Variants in NDEL1 observed in about 807,000 individuals in gnomAD.
NDEL1 encodes the protein nudE neurodevelopment protein 1 like 1, also known as nuclear distribution protein nudE-like 1.
Under a neutral mutation model 45.7 loss-of-function variants are expected in NDEL1, and 9 were observed. That is an observed-to-expected ratio of 0.20 (90% confidence interval 0.12 to 0.34). The LOEUF (loss-of-function observed/expected upper bound fraction) is 0.34, where lower values mean the gene tolerates loss of function less well. NDEL1 is among the 10% of genes least tolerant of loss of function. The probability of loss-of-function intolerance (pLI) is 1.00; values close to 1 mark genes in which losing one functional copy is unlikely to be tolerated. For synonymous variants in NDEL1, 133 were observed against 158.6 expected, an observed-to-expected ratio of 0.84 and a Z score of 1.21; for missense variants, 306 against 406.2, an observed-to-expected ratio of 0.75 and a Z score of 2.12.
rs901806348 is a variant in NDEL1, at chr17:8,468,058, GTCC to G, written c.*1041_*1043del. ...ACGGCATGTTAATGACTCTGATGGT[GTCC>G]TCCTCTGGGCAGCTGTATAGGATCA... On this transcript the variant is annotated 3_prime_UTR_variant, in exon 9 of 9. Coordinates refer to ENST00000334527, the MANE Select transcript of NDEL1 (RefSeq NM_030808.5). The G allele has an allele frequency of 2.6e-5, 4 of 152,594 alleles. No individual in the cohort carries two copies. The highest frequency in any genetic ancestry group is 7.2e-5 in the African/African-American group (3 of 41,418). 9.5% of individuals were successfully genotyped at this position (152,594 alleles called of 1,614,324 possible). A position where few individuals can be genotyped will look rare whatever the true frequency, so the allele number is the denominator to read the frequency against.
At chr17:8,455,989 T>C (rs1318140407) in intron 7 of NDEL1, among the ~76,000 whole-genome samples, 1 of 152,224 alleles carries the variant, frequency 6.6e-6, no homozygotes, top group African/African-American at 2.4e-5. Flanking sequence ...ATTTCTAGCA[T>C]TAGCTCCCAT....
intron 6 of NDEL1, among the ~76,000 whole-genome samples, chr17:8,452,903 C>A (rs1220748430): frequency 6.6e-6 from 1 of 151,876 alleles, no homozygotes; most frequent in Non-Finnish European, 1.5e-5. Flanking sequence ...CCACACCCAG[C>A]TAATTTTGTA....
downstream of NDEL1, among the ~76,000 whole-genome samples, chr17:8,471,148 T>TTTG (rs767626889): frequency 3.2e-4 from 49 of 152,132 alleles, 1 homozygote; most frequent in South Asian, 8.3e-4. Context: ...CTGCAAGTTT[T>TTTG]TTGTTGTTGT....
At position 8,446,887 on chromosome 17, in the gene NDEL1, T is replaced by TGGAGCCA; in HGVS notation, c.379_380insCAGGAGC (p.Arg127ProfsTer16). On this transcript the variant is annotated frameshift_variant, in exon 4 of 9. Coordinates refer to ENST00000334527, the MANE Select transcript of NDEL1 (RefSeq NM_030808.5). LOFTEE classifies it high-confidence loss of function. The stretch of plus-strand genomic sequence containing the variant: ...GAGCTGGAGCAGGCCAACGACGACC[T>TGGAGCCA]GGAGCGAGCCAAAAGGTAAACGAAT... 6.2e-7 allele frequency: 1 copy of TGGAGCCA among 1,614,098 alleles called. No individual in the cohort carries two copies. The highest frequency in any genetic ancestry group is 2.2e-5 in the East Asian group (1 of 44,870).
chr17:8,445,561 C>T, intron 2 of NDEL1, 150 bp from the exon 3 acceptor site: 1 of 729,426 alleles, frequency 1.4e-6, no homozygotes, highest in Non-Finnish European at 2.1e-6. Context: ...TGAATATATA[C>T]AGTAAGAGAT....
intron 4 of NDEL1, 39 bp downstream of exon 4, chr17:8,446,941 T>C (rs1910123354): frequency 6.3e-7 from 1 of 1,592,410 alleles, no homozygotes; most frequent in Non-Finnish European, 8.6e-7. Flanking sequence ...AAAAACCACC[T>C]TGGTAATTAG....
At chr17:8,444,401 A>G in intron 2 of NDEL1, 44 bp downstream of exon 2, 1 of 1,261,498 alleles carries the variant, frequency 7.9e-7, no homozygotes, top group Non-Finnish European at 1.2e-6. Context: ...GGCATTTGGA[A>G]TACACCGTGT....
At chr17:8,454,734 C>A in intron 6 of NDEL1, 62 bp from the exon 7 acceptor site, 1 of 1,312,798 alleles carries the variant, frequency 7.6e-7, no homozygotes, top group Non-Finnish European at 1.1e-6. Flanking sequence ...GTAACATCAA[C>A]AACAAAACCC....
intron 3 of NDEL1, chr17:8,446,123 A>G: frequency 3.9e-6 from 1 of 254,234 alleles, no homozygotes; most frequent in Non-Finnish European, 7.3e-6. Flanking sequence ...TAGTTCCTAT[A>G]ATTTTCAAAA....
intron 8 of NDEL1, 52 bp from the exon 9 acceptor site, chr17:8,466,878 T>G: frequency 1.9e-5 from 29 of 1,514,682 alleles, no homozygotes; most frequent in Non-Finnish European, 2.4e-5. Flanking sequence ...TGATTTTAAA[T>G]GAGTTTTTCG....
In NDEL1 at chr17:8,467,205, A is replaced by G. The variant is rs1476146626; in HGVS notation, c.*182A>G. 1.1e-5 allele frequency: 7 copies of G among 616,742 alleles called. No individual in the cohort carries two copies. The Admixed American group carries it at 1.8e-4, about 16-fold the overall frequency. 38.2% of individuals were successfully genotyped at this position (616,742 alleles called of 1,614,324 possible). A position where few individuals can be genotyped will look rare whatever the true frequency, so the allele number is the denominator to read the frequency against. On this transcript the variant is annotated 3_prime_UTR_variant, in exon 9 of 9. Coordinates refer to ENST00000334527, the MANE Select transcript of NDEL1 (RefSeq NM_030808.5). The surrounding 1 kb of genome is among the most constrained non-coding windows in gnomAD (Gnocchi z 6.3). ...GCCCAGCCCCGGAACTCTGCGCGAT[A>G]TCAATACTGGCTATTTTCTCTTCTC... is the stretch of plus-strand genomic sequence containing the variant.
At chr17:8,468,521 T>C (rs1050537092), downstream of NDEL1, among the ~76,000 whole-genome samples, 2 of 152,218 alleles carry the variant, frequency 1.3e-5, no homozygotes, top group Non-Finnish European at 2.9e-5. Flanking sequence ...TGACAGATGT[T>C]GTCATTCTGG....
Position 8,460,076 on chromosome 17 carries a change from T to C in NDEL1, c.860T>C (p.Ile287Thr). ...GACCAAGCATCACGAAAATCCTATATTTCAGGGAATGTTAACTGTGGGGTG... is the reference window on the plus strand; with the variant it reads ...GACCAAGCATCACGAAAATCCTATACTTCAGGGAATGTTAACTGTGGGGTG... The part of the protein sequence containing the change: ...AKDQASRKSY[I>T]SGNVNCGVLN... The change falls in exon 8 of 9, where the codon ATT (isoleucine) becomes ACT (threonine). Residue 287 changes from isoleucine (I) to threonine (T), a missense_variant. Ile to Thr is a moderately conservative substitution (Grantham distance 89). Coordinates refer to ENST00000334527, the MANE Select transcript of NDEL1 (RefSeq NM_030808.5). The C allele has an allele frequency of 6.2e-7, 1 of 1,614,190 alleles. No individual in the cohort carries two copies. Among genetic ancestry groups the C allele is most frequent in the Non-Finnish European group, 8.5e-7 (1 of 1,180,038 alleles).
intron 7 of NDEL1, among the ~76,000 whole-genome samples, chr17:8,458,269 TTCATCTGCTCACC>T (rs1311979352): frequency 1.3e-5 from 2 of 152,162 alleles, no homozygotes; most frequent in African/African-American, 2.4e-5. Flanking sequence ...TTGTTGGGTC[TTCATCTGCTCACC>T]CTTTCGATAT....
At chr17:8,421,681 A>G (rs1908711200) in intron 1 of NDEL1, among the ~76,000 whole-genome samples, 1 of 152,228 alleles carries the variant, frequency 6.6e-6, no homozygotes, top group African/African-American at 2.4e-5. Context: ...TATAGCAGCC[A>G]CAGGAAACAA....
downstream of NDEL1, among the ~76,000 whole-genome samples, chr17:8,470,016 G>A (rs934150351): frequency 6.6e-6 from 1 of 151,340 alleles, no homozygotes; most frequent in East Asian, 1.9e-4. This position sits in a 1 kb window ranked among gnomAD's most constrained non-coding sequence, Gnocchi z 4.2. Flanking sequence ...CCTTAGTGAC[G>A]TTTTTTTTGT....
chr17:8,444,296 T>G lies in NDEL1; in HGVS notation c.25T>G (p.Phe9Val). 17 of 1,613,334 alleles carry G rather than the reference T, an allele frequency of 1.1e-5. No homozygotes were observed. The highest frequency in any genetic ancestry group is 1.4e-5 in the Non-Finnish European group (17 of 1,179,410). The change falls in exon 2 of 9, where the codon TTT (phenylalanine) becomes GTT (valine). Residue 9 changes from phenylalanine to valine, a missense_variant. Phe to Val is a conservative substitution (Grantham distance 50, BLOSUM62 -1). This residue lies in a region of NDEL1 where 112 missense variants were observed against 148.3 expected (regional missense o/e 0.76). Transcript: ENST00000334527. MDGEDIPD[F>V]SSLKEETAYW... ...CATGGATGGTGAAGATATACCAGATTTTTCAAGTTTAAAGGAGGAAACTGC... is the reference window on the plus strand; with the variant it reads ...CATGGATGGTGAAGATATACCAGATGTTTCAAGTTTAAAGGAGGAAACTGC...
chr17:8,442,896 TCTC>T (rs1488889877), intron 1 of NDEL1, among the ~76,000 whole-genome samples: 2 of 151,020 alleles, frequency 1.3e-5, no homozygotes, highest in Non-Finnish European at 2.9e-5. Flanking sequence ...TTCACACCAT[TCTC>T]CTCCCGAGTA....
downstream of NDEL1, among the ~76,000 whole-genome samples, chr17:8,470,561 A>G (rs548386592): frequency 5.3e-4 from 81 of 152,318 alleles, 1 homozygote; most frequent in African/African-American, 1.9e-3. This position sits in a 1 kb window ranked among gnomAD's most constrained non-coding sequence, Gnocchi z 4.2. Context: ...TGCAAGAACT[A>G]TACAGAGGTG....
Sources: allele counts gnomAD v4.1 joint callset (sites outside exome capture counted in the v4.1 genomes callset), GRCh38; gene constraint gnomAD v4.1.1; regional missense constraint gnomAD v4.1.1; non-coding constraint Gnocchi (gnomAD v3.1); transcripts MANE v1.5; gene names NCBI Gene and HGNC (gene_info 2026-07-23, HGNC 2026-07-21).